TPR: variants seen among roughly 807,000 people sequenced by gnomAD.
TPR encodes the protein nucleoprotein TPR.
TPR carries 51 observed loss-of-function variants against 316.1 expected under a neutral mutation model. The observed-to-expected ratio is 0.16, with a 90% confidence interval of 0.13 to 0.20. The LOEUF (loss-of-function observed/expected upper bound fraction) is 0.20. Ranked by LOEUF, TPR falls within the 10% of genes least tolerant of loss-of-function variation. The probability of loss-of-function intolerance (pLI) is 1.00; values close to 1 mark genes in which losing one functional copy is unlikely to be tolerated. For synonymous variants in TPR, 981 were observed against 914.7 expected, an observed-to-expected ratio of 1.07 and a Z score of -1.31; for missense variants, 2,272 against 2,754.8, an observed-to-expected ratio of 0.82 and a Z score of 3.92.
intron 14 of TPR, 104 bp from the exon 15 acceptor site, chr1:186,356,553 A>G: frequency 1.8e-6 from 2 of 1,116,294 alleles, no homozygotes; most frequent in Non-Finnish European, 2.5e-6. Flanking sequence ...TCATCATACC[A>G]TTTTTGTCTC....
intron 32 of TPR, 146 bp downstream of exon 32, chr1:186,336,867 A>C: frequency 7.5e-7 from 1 of 1,325,662 alleles, no homozygotes. Context: ...ATGATTGGGT[A>C]CTACTTACAT....
intron 2 of TPR, 112 bp from the exon 3 acceptor site, chr1:186,371,155 A>G (rs776454750): frequency 6.0e-6 from 5 of 829,176 alleles, no homozygotes; most frequent in African/African-American, 1.7e-5. Flanking sequence ...ACAGAAGCCC[A>G]GAAAGACTGC....
chr1:186,364,203 A>G lies in TPR; in HGVS notation c.428-758T>C, dbSNP rs113449094. Among the ~76,000 whole-genome samples the G allele has an allele frequency of 5.3e-5, 8 of 152,286 alleles. 2 individuals carry two copies. Among genetic ancestry groups the G allele is most frequent in the African/African-American group, 1.9e-4 (8 of 41,572 alleles). Reference sequence around the variant, plus strand: ...ACAATACCATAAACCTTGAATAACAACATGGGATCCATAAGAACTGCCACT... The same window carrying G: ...ACAATACCATAAACCTTGAATAACAGCATGGGATCCATAAGAACTGCCACT... On this transcript the variant is annotated intron_variant, in intron 4 of 50. Coordinates refer to ENST00000367478, the MANE Select transcript of TPR (RefSeq NM_003292.3).
At chr1:186,337,969 A>G in intron 31 of TPR, 64 bp downstream of exon 31, 1 of 1,350,626 alleles carries the variant, frequency 7.4e-7, no homozygotes, top group Non-Finnish European at 1.0e-6. Context: ...CAAAATTACA[A>G]AGAAATAAGA....
rs1255294445 is a variant in TPR, at chr1:186,336,573, C to T, written c.4628G>A (p.Arg1543Gln). Residue 1543 changes from arginine to glutamine, a missense_variant, in exon 33 of 51, where the codon CGA becomes CAA. Physicochemically the swap from Arg to Gln is conservative, Grantham distance 43. Transcript: ENST00000367478. Reference protein sequence around the residue: ...QDRTTQEEQLRQQITEKEEKT... With the variant: ...QDRTTQEEQLQQQITEKEEKT... Reference sequence around the variant, plus strand: ...TTCTTCCTTTTCAGTTATCTGTTGTCGGAGCTGCTCCTCCTGTGTGGTTCT... The same window carrying T: ...TTCTTCCTTTTCAGTTATCTGTTGTTGGAGCTGCTCCTCCTGTGTGGTTCT... 3.1e-6 allele frequency: 5 copies of T among 1,613,890 alleles called. No individual in the cohort carries two copies. The highest frequency in any genetic ancestry group is 2.2e-5 in the South Asian group (2 of 91,080).
chr1:186,365,327 C>T (rs776836397), intron 4 of TPR, among the ~76,000 whole-genome samples: 1 of 152,006 alleles, frequency 6.6e-6, no homozygotes, highest in Non-Finnish European at 1.5e-5. Flanking sequence ...AACTCCTGAC[C>T]TCAGGTGATC....
At chr1:186,347,112 T>G (rs1206548651) in intron 22 of TPR, among the ~76,000 whole-genome samples, 180 bp downstream of exon 22, 1 of 152,174 alleles carries the variant, frequency 6.6e-6, no homozygotes, top group African/African-American at 2.4e-5. Flanking sequence ...CCTCCTTGCT[T>G]CATGAATTTT....
chr1:186,367,812 T>A, intron 4 of TPR, 74 bp downstream of exon 4: 1 of 1,039,278 alleles, frequency 9.6e-7, no homozygotes. Context: ...AGAAATGGGC[T>A]GAGCACTAAC....
At position 186,343,890 on chromosome 1, in the gene TPR, T is replaced by C. The variant is rs1448957434; in HGVS notation, c.3602+16A>G. 25 of 1,602,748 alleles carry C rather than the reference T, an allele frequency of 1.6e-5. No homozygotes were observed. Among genetic ancestry groups the C allele is most frequent in the Non-Finnish European group, 2.0e-5 (24 of 1,171,834 alleles). On this transcript the variant is annotated intron_variant, in intron 26 of 50. Transcript: ENST00000367478. ...TTGTTATACCACAGAAATGAAGCAG[T>C]AAGAACATGATTTACCTGAGAATTT...
chr1:186,347,717 T>G (rs938787477), intron 21 of TPR, among the ~76,000 whole-genome samples: 1 of 152,194 alleles, frequency 6.6e-6, no homozygotes, highest in South Asian at 2.1e-4. Context: ...CAATCAAATA[T>G]TTCCACTAAA....
At chr1:186,318,341 A>G (rs1324364857) in intron 48 of TPR, 106 bp downstream of exon 48, 1 of 1,455,966 alleles carries the variant, frequency 6.9e-7, no homozygotes, top group Admixed American at 2.3e-5. Flanking sequence ...AAAAAAAACA[A>G]AAAAAAACAA....
intron 43 of TPR, among the ~76,000 whole-genome samples, chr1:186,323,068 C>T (rs1657814118): frequency 6.6e-6 from 1 of 152,072 alleles, no homozygotes; most frequent in South Asian, 2.1e-4. Flanking sequence ...AGTGGTATTT[C>T]AGTAGAATCT....
chr1:186,362,959 T>C lies in TPR; in HGVS notation c.574A>G (p.Ser192Gly). ...TCTGTATTCAGCCATGTATTCTGAC[T>C]ATGTAGCAATTCCTTTTCTTGCTCC... is the stretch of plus-strand genomic sequence containing the variant. Reference protein sequence around the residue: ...RLEQEKELLHSQNTWLNTELK... With the variant: ...RLEQEKELLHGQNTWLNTELK... Residue 192 changes from serine (S) to glycine (G), a missense_variant, in exon 6 of 51, where the codon AGT (serine) becomes GGT (glycine). By Grantham distance (56) the Ser-to-Gly change is moderately conservative (BLOSUM62 0). Transcript: ENST00000367478. 3 of 1,607,770 alleles carry C rather than the reference T, an allele frequency of 1.9e-6. No individual in the cohort carries two copies. The highest frequency in any genetic ancestry group is 2.7e-5 in the African/African-American group (2 of 74,694).
chr1:186,345,592 G>A lies in TPR; in HGVS notation c.3201C>T (p.Asp1067=). The A allele has an allele frequency of 6.2e-7, 1 of 1,612,824 alleles. No homozygotes were observed. Among genetic ancestry groups the A allele is most frequent in the Non-Finnish European group, 8.5e-7 (1 of 1,179,208 alleles). The change falls in exon 24 of 51, where the codon GAC becomes GAT. Residue 1067 remains aspartate, a synonymous_variant. Coordinates refer to ENST00000367478, the MANE Select transcript of TPR (RefSeq NM_003292.3). ...TGGCTATACTTACTTGTTCCTGACA[G>A]TCACGTCTGGCTTGCTGCTCATTAC... ...ALSNEQQARR[D]CQEQAKIAVE... is the part of the protein sequence containing the mutation.
At chr1:186,324,493 T>G (rs1461026018) in intron 42 of TPR, among the ~76,000 whole-genome samples, 1 of 152,200 alleles carries the variant, frequency 6.6e-6, no homozygotes, top group African/African-American at 2.4e-5. Context: ...GAAGCCATCT[T>G]CAACTATGAA....
intron 1 of TPR, among the ~76,000 whole-genome samples, chr1:186,373,973 G>C (rs1388467695): frequency 6.6e-6 from 1 of 152,202 alleles, no homozygotes; most frequent in Admixed American, 6.5e-5. Context: ...GAACATGTAA[G>C]ACATTCAATA....
Position 186,346,129 on chromosome 1 carries a change from A to C in TPR, c.3096+6T>G. The stretch of plus-strand genomic sequence containing the variant: ...AAAAAAAAATTAATACGGTTAACCT[A>C]TTTACCTGTTGTTCCATGCTCTCTA... On this transcript the variant is annotated splice_donor_region_variant and intron_variant, in intron 23 of 50. Transcript: ENST00000367478. The C allele has an allele frequency of 2.5e-6, 4 of 1,597,100 alleles. No homozygotes were observed. The highest frequency in any genetic ancestry group is 3.4e-6 in the Non-Finnish European group (4 of 1,173,828).
In TPR at chr1:186,311,758, A is replaced by C; in HGVS notation, c.*2213T>G. ...TGAGGGTAGTATTCTTATTGCCCTC[A>C]ATTTTTATTTTCATTTCTTCACAGG... On this transcript the variant is annotated 3_prime_UTR_variant, in exon 51 of 51. Transcript: ENST00000367478. The C allele has an allele frequency of 1.3e-6, 1 of 742,564 alleles. No homozygotes were observed. Among genetic ancestry groups the C allele is most frequent in the Admixed American group, 2.9e-5 (1 of 33,966 alleles). 46.0% of individuals were successfully genotyped at this position (742,564 alleles called of 1,614,324 possible). A position where few individuals can be genotyped will look rare whatever the true frequency, so the allele number is the denominator to read the frequency against.
chr1:186,369,202 T>G (rs567732624), intron 3 of TPR, among the ~76,000 whole-genome samples: 13 of 152,348 alleles, frequency 8.5e-5, no homozygotes, highest in Admixed American at 2.0e-4. Flanking sequence ...ACTTTGTTTT[T>G]CTTGCTCAGT....
Sources: allele counts gnomAD v4.1 joint callset (sites outside exome capture counted in the v4.1 genomes callset), GRCh38; gene constraint gnomAD v4.1.1; transcripts MANE v1.5; gene names NCBI Gene and HGNC (gene_info 2026-07-23, HGNC 2026-07-21).